CCDC91: variants seen among roughly 807,000 people sequenced by gnomAD.
CCDC91 encodes the protein coiled-coil domain containing 91, also known as coiled-coil domain-containing protein 91.
In CCDC91, 48 loss-of-function variants were observed where a neutral mutation model predicts 63.2. The ratio of observed to expected loss-of-function variants is 0.76; its 90% CI spans 0.60 to 0.97. The LOEUF (loss-of-function observed/expected upper bound fraction) is 0.97, where lower values mean the gene tolerates loss of function less well. CCDC91 is among the 50% of genes least tolerant of loss of function. The pLI is 0.00. For synonymous variants in CCDC91, 167 were observed against 165.8 expected (o/e 1.01, Z -0.06); for missense variants, 500 against 494.6 (o/e 1.01, Z -0.10).
At chr12:28,433,899 T>C (rs1366117920) in intron 8 of CCDC91, among the ~76,000 whole-genome samples, 5 of 151,930 alleles carry the variant, frequency 3.3e-5, no homozygotes, top group African/African-American at 9.7e-5. Flanking sequence ...TTTTCTCATA[T>C]AGATCTTATG....
chr12:28,389,005 G>A (rs1346332044), intron 7 of CCDC91, among the ~76,000 whole-genome samples: 1 of 152,126 alleles, frequency 6.6e-6, no homozygotes, highest in Admixed American at 6.5e-5. Flanking sequence ...AGATAAATAG[G>A]TGGGACTTAA....
intron 8 of CCDC91, among the ~76,000 whole-genome samples, chr12:28,431,455 G>C (rs1166378571): frequency 2.0e-5 from 3 of 152,038 alleles, no homozygotes; most frequent in African/African-American, 7.2e-5. Flanking sequence ...TTATTTTGTA[G>C]TGATGTCTAC....
intron 6 of CCDC91, among the ~76,000 whole-genome samples, chr12:28,314,930 A>C (rs1939686268): frequency 6.6e-6 from 1 of 151,946 alleles, no homozygotes; most frequent in Non-Finnish European, 1.5e-5. Context: ...TCTTATTTCA[A>C]AGCTAATTGA....
intron 8 of CCDC91, among the ~76,000 whole-genome samples, chr12:28,401,298 C>G (rs1946607350): frequency 6.6e-6 from 1 of 152,064 alleles, no homozygotes; most frequent in Non-Finnish European, 1.5e-5. Context: ...ATGACAGCAA[C>G]AAGGAGAAGT....
chr12:28,282,997 T>A (rs1389565776), intron 3 of CCDC91, among the ~76,000 whole-genome samples: 1 of 152,102 alleles, frequency 6.6e-6, no homozygotes, highest in Non-Finnish European at 1.5e-5. Context: ...TTTATCTGCT[T>A]TGTTAAAGAT....
chr12:28,537,483 A>G (rs1592993792), intron 12 of CCDC91, among the ~76,000 whole-genome samples: 1 of 152,186 alleles, frequency 6.6e-6, no homozygotes, highest in Non-Finnish European at 1.5e-5. Context: ...TGTAAAAACT[A>G]AAGTTTTGTT....
At chr12:28,302,902 G>A (rs1938236380) in intron 3 of CCDC91, 1 of 152,108 alleles carries the variant, frequency 6.6e-6, no homozygotes, top group Non-Finnish European at 1.5e-5. Context: ...TGAAGAGTGG[G>A]TTTTGAAAGT....
intron 1 of CCDC91, among the ~76,000 whole-genome samples, chr12:28,226,499 T>C (rs1220308121): frequency 6.6e-6 from 1 of 152,218 alleles, no homozygotes; most frequent in African/African-American, 2.4e-5. Flanking sequence ...ATCTCTTGAA[T>C]AGTAATGGTT....
chr12:28,438,959 C>T (rs1949045260), intron 8 of CCDC91, among the ~76,000 whole-genome samples: 1 of 152,100 alleles, frequency 6.6e-6, no homozygotes, highest in Admixed American at 6.5e-5. Context: ...TTGTCACAAT[C>T]TTTGGCATTT....
chr12:28,285,240 G>A (rs898189558), intron 3 of CCDC91, among the ~76,000 whole-genome samples: 38 of 152,176 alleles, frequency 2.5e-4, no homozygotes, highest in Admixed American at 1.4e-3. Context: ...TTCTCTGAAG[G>A]GGCTTTCGAG....
intron 6 of CCDC91, among the ~76,000 whole-genome samples, chr12:28,316,967 C>T (rs116934746): frequency 6.6e-6 from 1 of 151,980 alleles, no homozygotes; most frequent in East Asian, 1.9e-4. Flanking sequence ...TTATTGAAGA[C>T]TGCTTGTACT....
chr12:28,317,469 G>A (rs1206098787), intron 6 of CCDC91, among the ~76,000 whole-genome samples: 1 of 151,874 alleles, frequency 6.6e-6, no homozygotes, highest in Non-Finnish European at 1.5e-5. Flanking sequence ...TGAAGGAAAA[G>A]ACCATGTTTT....
chr12:28,385,038 A>C (rs749170818), intron 7 of CCDC91, among the ~76,000 whole-genome samples: 20 of 152,126 alleles, frequency 1.3e-4, no homozygotes, highest in African/African-American at 4.3e-4. Context: ...ACATAAAAAT[A>C]TCTCTTCATA....
At chr12:28,274,893 T>TGA (rs1020537424) in intron 3 of CCDC91, among the ~76,000 whole-genome samples, 2 of 151,900 alleles carry the variant, frequency 1.3e-5, no homozygotes, top group Admixed American at 1.3e-4. Context: ...ATAGGAGTGG[T>TGA]GAGAGAGGGC....
At chr12:28,219,258 T>C (rs1943771152) in intron 1 of CCDC91, among the ~76,000 whole-genome samples, 1 of 152,156 alleles carries the variant, frequency 6.6e-6, no homozygotes, top group East Asian at 1.9e-4. Context: ...ATAAAGTGTC[T>C]ATTAAAATAT....
At chr12:28,493,344 A>G (rs941033832) in intron 12 of CCDC91, among the ~76,000 whole-genome samples, 15 of 151,752 alleles carry the variant, frequency 9.9e-5, no homozygotes, top group Non-Finnish European at 1.3e-4. Flanking sequence ...ATAATATTCT[A>G]GGAATTATTA....
intron 3 of CCDC91, among the ~76,000 whole-genome samples, chr12:28,264,768 T>C (rs115906075): frequency 6.6e-6 from 1 of 151,934 alleles, no homozygotes; most frequent in East Asian, 1.9e-4. Context: ...TTTCTCATTG[T>C]AGCGGACTCA....
At chr12:28,250,477 C>G (rs1413914741) in intron 1 of CCDC91, among the ~76,000 whole-genome samples, 1 of 151,950 alleles carries the variant, frequency 6.6e-6, no homozygotes, top group African/African-American at 2.4e-5. Flanking sequence ...AATTATTAAC[C>G]CCAATAATAA....
rs10046425 is a variant in CCDC91 at position 28,200,929 on chromosome 12, C to T, written c.-15+10288C>T. Among the ~76,000 whole-genome samples, 1,033 of 148,076 alleles carry T rather than the reference C, an allele frequency of 7.0e-3. 14 individuals carry two copies. The highest frequency in any genetic ancestry group is 0.025 in the African/African-American group (975 of 39,224). On this transcript the variant is annotated intron_variant, in intron 1 of 12. Coordinates refer to ENST00000536442, the MANE Select transcript of CCDC91 (RefSeq NM_018318.5). ...CTGACCCCGCCACCTCCCTTCCGGACGGGGCGGCTGGCCGGGCAGGGGGCT... is the reference window on the plus strand; with the variant it reads ...CTGACCCCGCCACCTCCCTTCCGGATGGGGCGGCTGGCCGGGCAGGGGGCT...
Sources: allele counts gnomAD v4.1 joint callset (sites outside exome capture counted in the v4.1 genomes callset), GRCh38; gene constraint gnomAD v4.1.1; transcripts MANE v1.5; gene names NCBI Gene and HGNC (gene_info 2026-07-23, HGNC 2026-07-21).